UGT1A7: variants seen among roughly 807,000 people sequenced by gnomAD.
UGT1A7 encodes UDP-glucuronosyltransferase 1A7.
A neutral mutation model predicts 45.6 loss-of-function variants in UGT1A7; 33 were observed. The observed-to-expected ratio is 0.72, with a 90% CI of 0.55 to 0.97. The LOEUF (loss-of-function observed/expected upper bound fraction) is 0.97, where lower values mean the gene tolerates loss of function less well. Among genes scored for constraint, UGT1A7 ranks in the 50% least tolerant of loss-of-function variants. UGT1A7 has a pLI of 0.00. For missense variants in UGT1A7, 684 were observed against 666.2 expected, an observed-to-expected ratio of 1.03 and a Z score of -0.29; for synonymous variants, 274 against 250.6, an observed-to-expected ratio of 1.09 and a Z score of -0.88.
Position 233,772,326 on chromosome 2 carries a change from C to T in UGT1A7, c.1360C>T (p.Leu454=), listed in dbSNP as rs767264478. The stretch of plus-strand genomic sequence containing the variant: ...GGACCGCCCGGTGGAGCCGCTGGAC[C>T]TGGCCGTGTTCTGGGTGGAGTTTGT... ...HKDRPVEPLD[L]AVFWVEFVMR... The change falls in exon 5 of 5, where the codon CTG becomes TTG. Residue 454 remains leucine, a synonymous_variant. Coordinates refer to ENST00000373426, the MANE Select transcript of UGT1A7 (RefSeq NM_019077.3). 1 of 1,614,166 alleles carries T rather than the reference C, an allele frequency of 6.2e-7. No homozygotes were observed. The highest frequency in any genetic ancestry group is 2.2e-5 in the East Asian group (1 of 44,878).
At chr2:233,732,739 T>C (rs2078307146) in intron 1 of UGT1A7, among the ~76,000 whole-genome samples, 1 of 151,466 alleles carries the variant, frequency 6.6e-6, no homozygotes, top group Non-Finnish European at 1.5e-5. Flanking sequence ...TCAGGTAGCA[T>C]GATGCCACCA....
At chr2:233,730,094 A>G (rs1211055945) in intron 1 of UGT1A7, 2 of 1,593,062 alleles carry the variant, frequency 1.3e-6, no homozygotes, top group South Asian at 2.3e-5. Context: ...ATCTTTCCAA[A>G]TATTTCATTT....
Position 233,772,257 on chromosome 2 carries a change from T to C in UGT1A7, c.1296-5T>C. ...CAGGCATAACGAAACTGTCTTTGTGTTTAGTTACAAGGAGAACATCATGCG... is the reference window on the plus strand; with the variant it reads ...CAGGCATAACGAAACTGTCTTTGTGCTTAGTTACAAGGAGAACATCATGCG... On this transcript the variant is annotated splice_polypyrimidine_tract_variant and splice_region_variant and intron_variant, in intron 4 of 4. Transcript: ENST00000373426. 2 of 1,614,220 alleles carry C rather than the reference T, an allele frequency of 1.2e-6. No individual in the cohort carries two copies. Among genetic ancestry groups the C allele is most frequent in the Non-Finnish European group, 1.7e-6 (2 of 1,180,042 alleles).
chr2:233,693,713 C>T (rs370730386), intron 1 of UGT1A7: 2 of 1,614,058 alleles, frequency 1.2e-6, no homozygotes, highest in African/African-American at 2.7e-5. Context: ...ATCAGCTGTC[C>T]TCAAGAGAGA....
chr2:233,737,366 G>T (rs1427441917), intron 1 of UGT1A7, among the ~76,000 whole-genome samples: 1 of 152,256 alleles, frequency 6.6e-6, no homozygotes, highest in Non-Finnish European at 1.5e-5. Context: ...GCTAAGCCAG[G>T]CAGGGGAGAG....
intron 1 of UGT1A7, among the ~76,000 whole-genome samples, chr2:233,737,002 C>G (rs534387073): frequency 6.6e-6 from 1 of 152,190 alleles, no homozygotes; most frequent in Non-Finnish European, 1.5e-5. Flanking sequence ...GTCAGGGACC[C>G]GCTTGAGGAG....
intron 1 of UGT1A7, among the ~76,000 whole-genome samples, chr2:233,701,346 A>C (rs148707887): frequency 6.6e-6 from 1 of 151,970 alleles, no homozygotes; most frequent in Non-Finnish European, 1.5e-5. Context: ...ACAGTGTAAA[A>C]GTTCTTAGAG....
intron 1 of UGT1A7, chr2:233,719,318 G>C (rs368511777): frequency 5.0e-6 from 8 of 1,613,836 alleles, no homozygotes; most frequent in African/African-American, 1.3e-5. Flanking sequence ...AGTACCTGTC[G>C]ATTCCTGCTG....
At chr2:233,707,924 T>C (rs746217325) in intron 1 of UGT1A7, among the ~76,000 whole-genome samples, 1 of 152,236 alleles carries the variant, frequency 6.6e-6, no homozygotes, top group Non-Finnish European at 1.5e-5. Context: ...GGTTTTAAAA[T>C]ATACTTATCA....
intron 1 of UGT1A7, among the ~76,000 whole-genome samples, chr2:233,766,449 C>T (rs1213957356): frequency 6.6e-6 from 1 of 152,156 alleles, no homozygotes; most frequent in Non-Finnish European, 1.5e-5. Flanking sequence ...TGTCTGCCTG[C>T]TAGGGTCTTG....
At chr2:233,704,256 C>CTT (rs59925871) in intron 1 of UGT1A7, among the ~76,000 whole-genome samples, 8,556 of 123,528 alleles carry the variant, frequency 0.069, 479 homozygotes, top group African/African-American at 0.11. Context: ...GCCTTTATTG[C>CTT]TTTTTTTTTT....
chr2:233,760,683 C>G, intron 1 of UGT1A7: 1 of 1,614,204 alleles, frequency 6.2e-7, no homozygotes, highest in Non-Finnish European at 8.5e-7. Context: ...ACTTACTGCA[C>G]AACAAGGAGC....
chr2:233,748,190 C>T (rs1370576625), intron 1 of UGT1A7: 2 of 1,559,306 alleles, frequency 1.3e-6, no homozygotes, highest in South Asian at 1.2e-5. Flanking sequence ...GCTTTTATTT[C>T]TGCTTGTCGT....
At chr2:233,716,309 C>T (rs2076497368) in intron 1 of UGT1A7, among the ~76,000 whole-genome samples, 1 of 152,204 alleles carries the variant, frequency 6.6e-6, no homozygotes, top group Admixed American at 6.5e-5. Flanking sequence ...GTCTCTTCCA[C>T]CTGTAATGGA....
chr2:233,719,420 C>A (rs755279919), intron 1 of UGT1A7: 9 of 1,613,938 alleles, frequency 5.6e-6, no homozygotes, highest in Non-Finnish European at 6.8e-6. Flanking sequence ...TACTAACGAC[C>A]AATTCAGACC....
At chr2:233,728,889 G>A (rs182630542) in intron 1 of UGT1A7, among the ~76,000 whole-genome samples, 41 of 152,264 alleles carry the variant, frequency 2.7e-4, no homozygotes, top group African/African-American at 9.4e-4. Context: ...TCCCCAGAGT[G>A]AGCACAGGGT....
intron 1 of UGT1A7, among the ~76,000 whole-genome samples, chr2:233,714,112 T>G (rs1306472953): frequency 6.6e-6 from 1 of 152,094 alleles, no homozygotes; most frequent in Non-Finnish European, 1.5e-5. Flanking sequence ...GTGGTGTGAC[T>G]CACGGAGACT....
chr2:233,754,737 G>A lies in UGT1A7; in HGVS notation c.856-12297G>A, dbSNP rs1218911837. 3 of 665,250 alleles carry A rather than the reference G, an allele frequency of 4.5e-6. No homozygotes were observed. In the East Asian group the frequency reaches 2.0e-4, roughly 44 times the overall value. The allele number at this position is 665,250 out of a possible 1,614,324, so 41.2% of individuals were successfully genotyped here. A position where few individuals can be genotyped will look rare whatever the true frequency, so the allele number is the denominator to read the frequency against. On this transcript the variant is annotated intron_variant, in intron 1 of 4. Transcript: ENST00000373426. Reference sequence around the variant, plus strand: ...GCTGCCTGTCCCATCACTACCGTAGGACATGCAGAAGGAAGAAAGGCCCCC... The same window carrying A: ...GCTGCCTGTCCCATCACTACCGTAGAACATGCAGAAGGAAGAAAGGCCCCC...
At chr2:233,758,501 A>C (rs1213021180) in intron 1 of UGT1A7, among the ~76,000 whole-genome samples, 2 of 152,232 alleles carry the variant, frequency 1.3e-5, no homozygotes, top group Admixed American at 6.5e-5. Context: ...AGAATTTCTA[A>C]TAAGGACACA....
Sources: allele counts gnomAD v4.1 joint callset (sites outside exome capture counted in the v4.1 genomes callset), GRCh38; gene constraint gnomAD v4.1.1; transcripts MANE v1.5; gene names NCBI Gene and HGNC (gene_info 2026-07-23, HGNC 2026-07-21).